The following FBXL13 variants were observed in gnomAD, a reference collection of about 807,000 sequenced individuals.
The protein encoded by FBXL13 is F-box and leucine-rich repeat protein 13.
A neutral mutation model predicts 83.6 loss-of-function variants in FBXL13; 67 were observed. The ratio of observed to expected loss-of-function variants is 0.80; its 90% CI spans 0.66 to 0.98. The LOEUF (loss-of-function observed/expected upper bound fraction) is 0.98. Ranked by LOEUF, FBXL13 falls within the 50% of genes least tolerant of loss-of-function variation. The pLI is 0.00. For missense variants in FBXL13, 822 were observed against 866.5 expected (o/e 0.95, Z 0.64); for synonymous variants, 272 against 299.5 (o/e 0.91, Z 0.95).
intron 6 of FBXL13, among the ~76,000 whole-genome samples, chr7:103,016,685 G>A (rs1470210102): frequency 2.6e-5 from 4 of 152,144 alleles, no homozygotes; most frequent in East Asian, 1.9e-4. Context: ...TATATCCCGC[G>A]CCTGGCTCGG....
At chr7:102,940,367 G>A (rs1374938462) in intron 8 of FBXL13, among the ~76,000 whole-genome samples, 5 of 151,500 alleles carry the variant, frequency 3.3e-5, no homozygotes, top group South Asian at 2.1e-4. Context: ...CCGCCACCAC[G>A]CCCGGCTAAT....
intron 19 of FBXL13, among the ~76,000 whole-genome samples, chr7:102,821,590 A>G (rs573201305): frequency 6.6e-6 from 1 of 152,204 alleles, no homozygotes; most frequent in Non-Finnish European, 1.5e-5. Context: ...CTTCTATGTC[A>G]GGGAATGGTC....
intron 18 of FBXL13, among the ~76,000 whole-genome samples, chr7:102,831,394 GACAC>G (rs3045618): frequency 0.054 from 7,608 of 141,546 alleles, 209 homozygotes; most frequent in East Asian, 0.083. Context: ...CAGTGCCCGG[GACAC>G]ACACACACAC....
At chr7:102,943,315 CT>C (rs1218100853) in intron 8 of FBXL13, among the ~76,000 whole-genome samples, 1 of 128,336 alleles carries the variant, frequency 7.8e-6, no homozygotes. Flanking sequence ...TTTGTAGCAT[CT>C]TTTTTTCCCA....
At chr7:102,925,738 T>A (rs1438049582) in intron 10 of FBXL13, among the ~76,000 whole-genome samples, 2 of 152,016 alleles carry the variant, frequency 1.3e-5, no homozygotes, top group Non-Finnish European at 2.9e-5. Flanking sequence ...AGTCAGGAGT[T>A]TGAGACCAGC....
intron 8 of FBXL13, among the ~76,000 whole-genome samples, chr7:102,954,358 C>G (rs1183602109): frequency 6.6e-6 from 1 of 152,132 alleles, no homozygotes; most frequent in African/African-American, 2.4e-5. Flanking sequence ...ATTTTGTCAC[C>G]ACCAGGCCTG....
At chr7:103,011,942 G>A (rs966170248) in intron 6 of FBXL13, among the ~76,000 whole-genome samples, 10 of 152,082 alleles carry the variant, frequency 6.6e-5, no homozygotes, top group African/African-American at 1.4e-4. Context: ...TCAGGATATC[G>A]TCCATGAAAA....
At chr7:102,852,981 G>A (rs1447642687) in intron 17 of FBXL13, among the ~76,000 whole-genome samples, 1 of 152,108 alleles carries the variant, frequency 6.6e-6, no homozygotes, top group Non-Finnish European at 1.5e-5. Context: ...ATTGTGGTAT[G>A]GAATACTATT....
intron 17 of FBXL13, among the ~76,000 whole-genome samples, chr7:102,846,894 T>C (rs1425013741): frequency 6.6e-6 from 1 of 152,176 alleles, no homozygotes; most frequent in Non-Finnish European, 1.5e-5. Context: ...TCACTGACGG[T>C]GGCTGTCTGC....
chr7:103,000,157 A>G (rs1790243092), intron 6 of FBXL13, among the ~76,000 whole-genome samples: 1 of 151,978 alleles, frequency 6.6e-6, no homozygotes. Context: ...TTCTTCACTG[A>G]CCAATTAATT....
chr7:102,836,030 A>G (rs1801917720), intron 17 of FBXL13, among the ~76,000 whole-genome samples: 1 of 152,224 alleles, frequency 6.6e-6, no homozygotes, highest in African/African-American at 2.4e-5. Context: ...AATTTATTGA[A>G]GGATGAAACA....
intron 17 of FBXL13, among the ~76,000 whole-genome samples, chr7:102,839,335 A>T (rs1299845405): frequency 2.0e-5 from 3 of 152,238 alleles, no homozygotes; most frequent in Non-Finnish European, 2.9e-5. Context: ...TCAATAAATA[A>T]TGAGGGAACT....
At chr7:103,074,122 TGA>T in intron 1 of FBXL13, 2 of 524,118 alleles carry the variant, frequency 3.8e-6, no homozygotes, top group Non-Finnish European at 4.9e-6. Context: ...CAATCCTGGT[TGA>T]GAGGGTCCTT....
intron 10 of FBXL13, among the ~76,000 whole-genome samples, chr7:102,917,731 A>G (rs1472609750): frequency 6.6e-6 from 1 of 152,234 alleles, no homozygotes; most frequent in Non-Finnish European, 1.5e-5. Context: ...AGATTGTTCC[A>G]GGATGACACT....
intron 8 of FBXL13, among the ~76,000 whole-genome samples, chr7:102,941,095 A>T (rs1225485463): frequency 6.6e-6 from 1 of 152,240 alleles, no homozygotes; most frequent in Non-Finnish European, 1.5e-5. Flanking sequence ...ATAATTTTTT[A>T]AAATTTCCCA....
chr7:103,021,314 C>A (rs1419806245), intron 6 of FBXL13, among the ~76,000 whole-genome samples: 1 of 152,152 alleles, frequency 6.6e-6, no homozygotes, highest in Non-Finnish European at 1.5e-5. Context: ...CTTCCTTACA[C>A]CTTATACAAA....
chr7:102,837,978 A>T (rs1206395946), intron 17 of FBXL13, among the ~76,000 whole-genome samples: 2 of 152,254 alleles, frequency 1.3e-5, no homozygotes, highest in Admixed American at 1.3e-4. Flanking sequence ...TTAGTTCAAG[A>T]TGAGAGAGTA....
At chr7:102,944,613 A>T in intron 8 of FBXL13, 1 of 1,578,448 alleles carries the variant, frequency 6.3e-7, no homozygotes, top group South Asian at 1.2e-5. Flanking sequence ...GATAAGGTAG[A>T]AATTGTTCTG....
chr7:102,984,373 T>A (rs1233693972), intron 6 of FBXL13, among the ~76,000 whole-genome samples: 1 of 152,166 alleles, frequency 6.6e-6, no homozygotes, highest in Non-Finnish European at 1.5e-5. Flanking sequence ...TACCTATCTA[T>A]CCATCCATCC....
Sources: allele counts gnomAD v4.1 joint callset (sites outside exome capture counted in the v4.1 genomes callset), GRCh38; gene constraint gnomAD v4.1.1; transcripts MANE v1.5; gene names NCBI Gene and HGNC (gene_info 2026-07-23, HGNC 2026-07-21).